Variants in PRKD1 observed in about 807,000 individuals in gnomAD.
PRKD1 encodes protein kinase D1.
A neutral mutation model predicts 95.9 loss-of-function variants in PRKD1; 63 were observed. The ratio of observed to expected loss-of-function variants is 0.66; its 90% CI spans 0.54 to 0.81. The LOEUF (loss-of-function observed/expected upper bound fraction) is 0.81, where lower values mean the gene tolerates loss of function less well. Among genes scored for constraint, PRKD1 ranks in the 30% least tolerant of loss-of-function variants. The pLI, the probability that PRKD1 is intolerant of heterozygous loss-of-function variation, is 0.00. For missense variants in PRKD1, 1,048 were observed against 1,165.3 expected (o/e 0.90, Z 1.47); for synonymous variants, 425 against 423.1 (o/e 1.00, Z -0.05).
rs1889028980 is a variant in PRKD1, at chr14:29,781,198, T to TTAA, written c.265-55527_265-55525dup. On this transcript the variant is annotated intron_variant, in intron 1 of 17. Transcript: ENST00000331968. Reference sequence around the variant, plus strand: ...AGATATACCTAATGTAAATGACGAGTTAATGGGTGCAGCACACCAACATGG... The same window carrying TTAA: ...AGATATACCTAATGTAAATGACGAGTTAATAATGGGTGCAGCACACCAACATGG... Among the ~76,000 whole-genome samples, 2 of 150,268 alleles carry TTAA rather than the reference T, an allele frequency of 1.3e-5. 1 individual carries two copies. The highest frequency in any genetic ancestry group is 4.2e-4 in the South Asian group (2 of 4,724).
At chr14:29,858,035 T>C (rs2139352738) in intron 1 of PRKD1, among the ~76,000 whole-genome samples, 1 of 152,326 alleles carries the variant, frequency 6.6e-6, no homozygotes, top group East Asian at 1.9e-4. Context: ...ACTTTTTTTG[T>C]ATGAGAAAAC....
At chr14:29,895,239 C>T (rs1566659353) in intron 1 of PRKD1, among the ~76,000 whole-genome samples, 1 of 152,240 alleles carries the variant, frequency 6.6e-6, no homozygotes, top group East Asian at 1.9e-4. Flanking sequence ...CTCGCTTGAA[C>T]CCGGGAGGCA....
At chr14:29,898,398 AG>A (rs1894205896) in intron 1 of PRKD1, among the ~76,000 whole-genome samples, 1 of 152,164 alleles carries the variant, frequency 6.6e-6, no homozygotes, top group Non-Finnish European at 1.5e-5. Context: ...TAAGTTCTTC[AG>A]GGAAGGGTAT....
chr14:29,741,880 G>T (rs1953727), intron 1 of PRKD1, among the ~76,000 whole-genome samples: 26,855 of 151,412 alleles, frequency 0.18, 2,618 homozygotes, highest in South Asian at 0.27. Flanking sequence ...CCCTTTCTTT[G>T]ATTAATATTA....
intron 1 of PRKD1, among the ~76,000 whole-genome samples, chr14:29,874,836 G>T (rs1893230687): frequency 6.6e-6 from 1 of 152,184 alleles, no homozygotes; most frequent in Non-Finnish European, 1.5e-5. Context: ...CAGATGCTGG[G>T]AAGGGTATGA....
At chr14:29,689,268 G>GAAA (rs199959754) in intron 2 of PRKD1, among the ~76,000 whole-genome samples, 255 of 148,090 alleles carry the variant, frequency 1.7e-3, no homozygotes, top group Admixed American at 4.2e-3. Context: ...AAATTTACAA[G>GAAA]AAAAAAAAAA....
chr14:29,834,698 C>T (rs1396959171), intron 1 of PRKD1, among the ~76,000 whole-genome samples: 1 of 151,996 alleles, frequency 6.6e-6, no homozygotes, highest in African/African-American at 2.4e-5. Context: ...TAATAAACTA[C>T]TAAACTTATG....
At chr14:29,676,807 C>T (rs1883252188) in intron 2 of PRKD1, among the ~76,000 whole-genome samples, 1 of 152,140 alleles carries the variant, frequency 6.6e-6, no homozygotes, top group African/African-American at 2.4e-5. Flanking sequence ...ATTTGGGAGT[C>T]ATCAGTGTCA....
chr14:29,610,989 G>A (rs1366495896), intron 13 of PRKD1, among the ~76,000 whole-genome samples: 14 of 152,198 alleles, frequency 9.2e-5, no homozygotes, highest in Non-Finnish European at 2.9e-5. Flanking sequence ...AAGATCAGTG[G>A]CTGACAGGGA....
chr14:29,736,121 C>G (rs533576137), intron 1 of PRKD1, among the ~76,000 whole-genome samples: 96 of 152,274 alleles, frequency 6.3e-4, no homozygotes, highest in African/African-American at 2.2e-3. Context: ...AGGTTGTAGA[C>G]CCCTACGAAG....
At chr14:29,796,902 G>C (rs1889842240) in intron 1 of PRKD1, among the ~76,000 whole-genome samples, 1 of 152,186 alleles carries the variant, frequency 6.6e-6, no homozygotes, top group African/African-American at 2.4e-5. Flanking sequence ...AAGGGCAAGG[G>C]AGGTTAACAG....
intron 13 of PRKD1, among the ~76,000 whole-genome samples, chr14:29,603,510 A>C (rs190372070): frequency 1.9e-3 from 292 of 152,354 alleles, no homozygotes; most frequent in African/African-American, 6.7e-3. Flanking sequence ...TGGAAATAAG[A>C]AAAAAGTTCC....
chr14:29,594,499 T>A (rs1389685301), intron 16 of PRKD1, among the ~76,000 whole-genome samples: 1 of 152,156 alleles, frequency 6.6e-6, no homozygotes, highest in Non-Finnish European at 1.5e-5. Context: ...AACCTCATTA[T>A]GTAGGTGGGA....
intron 1 of PRKD1, among the ~76,000 whole-genome samples, chr14:29,826,856 T>TATATATATACACAC (rs1891213735): frequency 1.0e-5 from 1 of 96,588 alleles, no homozygotes; most frequent in African/African-American, 4.0e-5. Context: ...TATATATATA[T>TATATATATACACAC]ATATATATAT....
At chr14:29,834,990 GT>G (rs141796741) in intron 1 of PRKD1, among the ~76,000 whole-genome samples, 3,606 of 151,176 alleles carry the variant, frequency 0.024, 139 homozygotes, top group African/African-American at 0.082. Context: ...TGAGACCTGG[GT>G]TTTTTTTTCT....
chr14:29,678,446 GAAT>G (rs1214891602), intron 2 of PRKD1, among the ~76,000 whole-genome samples: 1 of 152,046 alleles, frequency 6.6e-6, no homozygotes, highest in East Asian at 1.9e-4. Flanking sequence ...TGGAATGTTT[GAAT>G]AATTTATTAG....
At chr14:29,783,568 G>A (rs1157771156) in intron 1 of PRKD1, among the ~76,000 whole-genome samples, 1 of 152,102 alleles carries the variant, frequency 6.6e-6, no homozygotes, top group East Asian at 1.9e-4. Context: ...TTTCTAAGAA[G>A]CCTCCATACA....
At chr14:29,794,382 T>A (rs1889715588) in intron 1 of PRKD1, among the ~76,000 whole-genome samples, 1 of 152,124 alleles carries the variant, frequency 6.6e-6, no homozygotes, top group Non-Finnish European at 1.5e-5. Flanking sequence ...ATATCATCTA[T>A]AAATTATCAA....
chr14:29,722,604 T>C (rs1225729096), intron 2 of PRKD1, among the ~76,000 whole-genome samples: 1 of 152,194 alleles, frequency 6.6e-6, no homozygotes, highest in Non-Finnish European at 1.5e-5. Context: ...TACATATTTA[T>C]TGAGAACCTC....
Sources: allele counts gnomAD v4.1 joint callset (sites outside exome capture counted in the v4.1 genomes callset), GRCh38; gene constraint gnomAD v4.1.1; transcripts MANE v1.5; gene names NCBI Gene and HGNC (gene_info 2026-07-23, HGNC 2026-07-21).